ADAM7: variants seen among roughly 807,000 people sequenced by gnomAD.
The protein encoded by ADAM7 is disintegrin and metalloproteinase domain-containing protein 7.
In ADAM7, 97 loss-of-function variants were observed where a neutral mutation model predicts 102.9. The ratio of observed to expected loss-of-function variants is 0.94; its 90% CI spans 0.80 to 1.12. ADAM7 has a LOEUF of 1.12. Among genes scored for constraint, ADAM7 ranks in the 50% most tolerant of loss-of-function variants. The probability of loss-of-function intolerance (pLI) is 0.00; values close to 1 mark genes in which losing one functional copy is unlikely to be tolerated. For synonymous variants in ADAM7, 334 were observed against 304.4 expected (o/e 1.10, Z -1.01); for missense variants, 991 against 908.7 (o/e 1.09, Z -1.16).
intron 2 of ADAM7, among the ~76,000 whole-genome samples, 153 bp from the exon 3 acceptor site, chr8:24,447,033 C>G (rs963260244): frequency 6.6e-6 from 1 of 151,734 alleles, no homozygotes; most frequent in African/African-American, 2.4e-5. Flanking sequence ...AATATTAGCT[C>G]TCTTTCAATT....
chr8:24,483,679 A>T (rs1225117336), intron 9 of ADAM7, among the ~76,000 whole-genome samples: 1 of 152,202 alleles, frequency 6.6e-6, no homozygotes, highest in Non-Finnish European at 1.5e-5. Flanking sequence ...TTGTACTTGA[A>T]TATTCATGCA....
At chr8:24,456,315 T>A (rs1455119257) in intron 3 of ADAM7, among the ~76,000 whole-genome samples, 2 of 152,244 alleles carry the variant, frequency 1.3e-5, no homozygotes, top group African/African-American at 4.8e-5. Flanking sequence ...TTCCTCTATT[T>A]TAAGGCCGAA....
chr8:24,490,467 A>G, intron 12 of ADAM7: 1 of 183,610 alleles, frequency 5.4e-6, no homozygotes. Context: ...GCAGTTGAAT[A>G]GTCTCACATC....
intron 3 of ADAM7, among the ~76,000 whole-genome samples, chr8:24,453,538 A>G (rs546384172): frequency 3.3e-5 from 5 of 152,122 alleles, no homozygotes; most frequent in African/African-American, 1.2e-4. Context: ...TGGTTATTCT[A>G]GTTGTACACT....
intron 18 of ADAM7, 44 bp downstream of exon 18, chr8:24,500,300 C>A (rs1298931173): frequency 1.3e-6 from 2 of 1,552,472 alleles, no homozygotes; most frequent in Non-Finnish European, 8.8e-7. Flanking sequence ...AAAAGCCTAC[C>A]CAGCGAAAAA....
Position 24,482,111 on chromosome 8 carries a change from C to A in ADAM7, c.706-31C>A, listed in dbSNP as rs763535548. 4.0e-6 allele frequency: 6 copies of A among 1,513,302 alleles called. No individual in the cohort carries two copies. In the Admixed American group the frequency reaches 1.1e-4, roughly 29 times the overall value. The allele number at this position is 1,513,302 out of a possible 1,614,324, so 93.7% of individuals were successfully genotyped here. A position where few individuals can be genotyped will look rare whatever the true frequency, so the allele number is the denominator to read the frequency against. On this transcript the variant is annotated intron_variant, in intron 8 of 21. Coordinates refer to ENST00000175238, the MANE Select transcript of ADAM7 (RefSeq NM_003817.4). Reference sequence around the variant, plus strand: ...TTGAAGACTGTTTCCAGCAACTTGACTTTGTGAAAAATGATTTCTTCTTTG... The same window carrying A: ...TTGAAGACTGTTTCCAGCAACTTGAATTTGTGAAAAATGATTTCTTCTTTG...
intron 9 of ADAM7, among the ~76,000 whole-genome samples, chr8:24,483,888 T>G (rs1369662951): frequency 6.6e-6 from 1 of 152,204 alleles, no homozygotes; most frequent in African/African-American, 2.4e-5. Context: ...AACCAGTAGC[T>G]TCTCATATCA....
chr8:24,491,220 A>T (rs1015943967), intron 13 of ADAM7, among the ~76,000 whole-genome samples: 3 of 151,088 alleles, frequency 2.0e-5, no homozygotes, highest in African/African-American at 7.2e-5. Context: ...GCTAAAAGGG[A>T]AAGGGGTTAT....
rs577811119 is a variant in ADAM7 at position 24,489,221 on chromosome 8, A to G, written c.1154A>G (p.Tyr385Cys). Residue 385 changes from tyrosine to cysteine, a missense_variant, in exon 12 of 22, where the codon TAT (tyrosine) becomes TGT (cysteine). Tyr to Cys is a radical substitution (Grantham distance 194, BLOSUM62 -2). Transcript: ENST00000175238. ...QNQYHQYLKD[Y>C]KPTCMLNIPF... ...CAATACCACCAGTACTTGAAGGATTATAAGCCAACATGCATGCTCAACATT... is the reference window on the plus strand; with the variant it reads ...CAATACCACCAGTACTTGAAGGATTGTAAGCCAACATGCATGCTCAACATT... 1 of 1,613,678 alleles carries G rather than the reference A, an allele frequency of 6.2e-7. No homozygotes were observed. The highest frequency in any genetic ancestry group is 1.3e-5 in the African/African-American group (1 of 75,042).
chr8:24,474,846 G>A (rs563853974), intron 7 of ADAM7, among the ~76,000 whole-genome samples: 10 of 152,254 alleles, frequency 6.6e-5, no homozygotes, highest in African/African-American at 2.4e-4. Flanking sequence ...AATGAGCCAT[G>A]TTCACGCCAC....
chr8:24,481,202 A>C (rs897484602), intron 8 of ADAM7, among the ~76,000 whole-genome samples: 6 of 152,208 alleles, frequency 3.9e-5, no homozygotes, highest in Admixed American at 3.3e-4. Flanking sequence ...AAGGCACCTA[A>C]TTCCCATGAT....
At chr8:24,484,537 T>C (rs996930204) in intron 9 of ADAM7, among the ~76,000 whole-genome samples, 25 of 152,182 alleles carry the variant, frequency 1.6e-4, no homozygotes, top group African/African-American at 5.3e-4. Flanking sequence ...TACCTGAGTT[T>C]CTATGGTTGA....
Position 24,492,617 on chromosome 8 carries a change from A to G in ADAM7, c.1655+20A>G. Reference sequence around the variant, plus strand: ...GGAGAAGTAAGTGCCCTGTGGAAAAAAAGTAATTTGCCTTCTTACAGCACT... The same window carrying G: ...GGAGAAGTAAGTGCCCTGTGGAAAAGAAGTAATTTGCCTTCTTACAGCACT... On this transcript the variant is annotated intron_variant, in intron 15 of 21. Coordinates refer to ENST00000175238, the MANE Select transcript of ADAM7 (RefSeq NM_003817.4). 6.3e-7 allele frequency: 1 copy of G among 1,583,536 alleles called. No homozygotes were observed. The highest frequency in any genetic ancestry group is 8.7e-7 in the Non-Finnish European group (1 of 1,155,160).
intron 20 of ADAM7, among the ~76,000 whole-genome samples, chr8:24,506,656 T>C (rs763272667): frequency 6.6e-6 from 1 of 151,788 alleles, no homozygotes; most frequent in Non-Finnish European, 1.5e-5. Context: ...GAACCCTCAG[T>C]TAGATGAAGC....
At chr8:24,482,655 T>C (rs1468714143) in intron 9 of ADAM7, among the ~76,000 whole-genome samples, 1 of 152,018 alleles carries the variant, frequency 6.6e-6, no homozygotes, top group Non-Finnish European at 1.5e-5. Flanking sequence ...AAGCTGAGGC[T>C]GGAGGATCTC....
intron 16 of ADAM7, among the ~76,000 whole-genome samples, chr8:24,496,212 C>A (rs767297118): frequency 1.2e-4 from 18 of 152,200 alleles, no homozygotes; most frequent in Non-Finnish European, 2.6e-4. Flanking sequence ...GCTGAGACTG[C>A]AGGTGCACAG....
chr8:24,450,974 C>A (rs1818762323), intron 3 of ADAM7, among the ~76,000 whole-genome samples: 2 of 152,044 alleles, frequency 1.3e-5, no homozygotes, highest in African/African-American at 4.8e-5. Flanking sequence ...GTATATTGAA[C>A]CAGCCTTGCA....
chr8:24,501,396 C>G lies in ADAM7; in HGVS notation c.2109-81C>G, dbSNP rs376905569. ...GGAAATTTTTGAAATATAAAAATTA[C>G]TAAAGCTTACTCATGAAGAAATAAA... On this transcript the variant is annotated intron_variant, in intron 19 of 21. Coordinates refer to ENST00000175238, the MANE Select transcript of ADAM7 (RefSeq NM_003817.4). The G allele has an allele frequency of 1.5e-4, 154 of 1,017,418 alleles. 6 individuals are homozygous for G. Among genetic ancestry groups the G allele is most frequent in the East Asian group, 1.3e-3 (51 of 38,536 alleles). The allele number at this position is 1,017,418 out of a possible 1,614,324, so 63.0% of individuals were successfully genotyped here. A position where few individuals can be genotyped will look rare whatever the true frequency, so the allele number is the denominator to read the frequency against.
At position 24,441,115 on chromosome 8, in the gene ADAM7, C is replaced by G. The variant is rs1422492757; in HGVS notation, c.7C>G (p.Pro3Ala). 1.2e-6 allele frequency: 2 copies of G among 1,613,774 alleles called. No homozygotes were observed. Among genetic ancestry groups the G allele is most frequent in the Admixed American group, 1.7e-5 (1 of 60,002 alleles). Residue 3 changes from proline (P) to alanine (A), a missense_variant, in exon 1 of 22, where the codon CCC (proline) becomes GCC (alanine). Transcript: ENST00000175238. ML[P>A]GCIFLMILLI... is the part of the protein sequence containing the mutation. ...TCTACCAGAATCACTCAGAATGCTT[C>G]CCGGGTGTATATTCTTGATGATTTT... is the stretch of plus-strand genomic sequence containing the variant.
Sources: gnomAD v4.1 joint callset for allele counts (sites outside exome capture counted in the v4.1 genomes callset) on GRCh38, gnomAD v4.1.1 for gene constraint, MANE v1.5 for transcripts, NCBI Gene and HGNC (gene_info 2026-07-23, HGNC 2026-07-21) for gene names.